Variants in STON2 observed in about 807,000 individuals in gnomAD.
STON2 encodes the protein stonin-2.
In STON2, 29 loss-of-function variants were observed where a neutral mutation model predicts 65.7. The ratio of observed to expected loss-of-function variants is 0.44; its 90% confidence interval spans 0.33 to 0.60. The LOEUF (loss-of-function observed/expected upper bound fraction) is 0.60, where lower values mean the gene tolerates loss of function less well. Among genes scored for constraint, STON2 ranks in the 20% least tolerant of loss-of-function variants. STON2 has a pLI of 0.03. For synonymous variants in STON2, 404 were observed against 414.2 expected (o/e 0.98, Z 0.30); for missense variants, 1,054 against 1,118.1 (o/e 0.94, Z 0.82).
At chr14:81,349,813 TATGAAATCAACCTAAGTGTCCACCAATGG>T (rs1897956381) in intron 4 of STON2, among the ~76,000 whole-genome samples, 1 of 152,114 alleles carries the variant, frequency 6.6e-6, no homozygotes, top group Admixed American at 6.6e-5. Context: ...ATAGTCAAGA[TATGAAATCAACCTAAGTGTCCACCAATGG>T]ATGAACAGAT....
intron 5 of STON2, among the ~76,000 whole-genome samples, chr14:81,300,892 CT>C (rs2140182437): frequency 6.6e-6 from 1 of 152,146 alleles, no homozygotes; most frequent in East Asian, 1.9e-4. Flanking sequence ...TTCACAGCAG[CT>C]TTATTAATAA....
At chr14:81,385,425 ATGTATGTG>A (rs1230163641) in intron 3 of STON2, among the ~76,000 whole-genome samples, 1 of 140,306 alleles carries the variant, frequency 7.1e-6, no homozygotes, top group Non-Finnish European at 1.5e-5. Flanking sequence ...ATGTGTATGT[ATGTATGTG>A]TGTATGTATC....
chr14:81,397,804 C>T (rs758632614), intron 2 of STON2, among the ~76,000 whole-genome samples: 5 of 152,254 alleles, frequency 3.3e-5, no homozygotes, highest in Middle Eastern at 3.4e-3. Flanking sequence ...TATGAATTCA[C>T]TTAAGCCTCA....
chr14:81,383,867 T>C (rs1300985822), intron 3 of STON2, among the ~76,000 whole-genome samples: 2 of 152,146 alleles, frequency 1.3e-5, no homozygotes, highest in Non-Finnish European at 2.9e-5. Context: ...TAGCTTTCCA[T>C]CTCACCCACA....
upstream of STON2, among the ~76,000 whole-genome samples, chr14:81,400,603 G>C (rs1233273993): frequency 6.6e-6 from 1 of 152,010 alleles, no homozygotes; most frequent in South Asian, 2.1e-4. Context: ...ATGGATAAGT[G>C]GGGTAGGGAA....
In STON2 at chr14:81,266,060, A is replaced by C; in HGVS notation, c.*2354T>G. ...CCTCAAAGGAACTCCACTGTATTTC[A>C]AAGAGCATGAAAAACCACTTATGAA... On this transcript the variant is annotated 3_prime_UTR_variant, in exon 8 of 8. Coordinates refer to ENST00000614646, the MANE Select transcript of STON2 (RefSeq NM_001394390.1). 1.0e-6 allele frequency: 1 copy of C among 985,460 alleles called. No homozygotes were observed. Among genetic ancestry groups the C allele is most frequent in the Non-Finnish European group, 1.2e-6 (1 of 829,922 alleles). 61.0% of individuals were successfully genotyped at this position (985,460 alleles called of 1,614,324 possible).
intron 5 of STON2, among the ~76,000 whole-genome samples, chr14:81,289,463 C>T (rs1175051286): frequency 1.3e-5 from 2 of 152,118 alleles, no homozygotes; most frequent in Admixed American, 6.5e-5. Context: ...TCTGAAAGGT[C>T]GGAAGGTTCT....
At chr14:81,306,687 C>T (rs1351120945) in intron 5 of STON2, 2 of 152,110 alleles carry the variant, frequency 1.3e-5, no homozygotes, top group Non-Finnish European at 2.9e-5. Flanking sequence ...TCCTGACATC[C>T]CCAGAGATGG....
In STON2 at chr14:81,300,783, T is replaced by C. The variant is rs144570569; in HGVS notation, c.743-22044A>G. Among the ~76,000 whole-genome samples, 296 of 152,298 alleles carry C rather than the reference T, an allele frequency of 1.9e-3. 1 individual carries two copies. The highest frequency in any genetic ancestry group is 6.9e-3 in the African/African-American group (286 of 41,570). ...AGTTAAAAATGGTTTAAATGATAAA[T>C]TTAAACATTCACCTACTTTATGACC... On this transcript the variant is annotated intron_variant, in intron 5 of 7. Transcript: ENST00000614646.
chr14:81,429,546 T>G (rs1902139351), intron 1 of STON2, among the ~76,000 whole-genome samples: 1 of 152,210 alleles, frequency 6.6e-6, no homozygotes, highest in African/African-American at 2.4e-5. Flanking sequence ...GCTTCATTTG[T>G]AGGAGGTTAT....
chr14:81,286,342 G>C (rs1895332214), intron 5 of STON2, among the ~76,000 whole-genome samples: 1 of 152,142 alleles, frequency 6.6e-6, no homozygotes, highest in Non-Finnish European at 1.5e-5. Flanking sequence ...AGGGTCAATT[G>C]ATGCAGCAAA....
chr14:81,346,832 A>T (rs182675214), intron 4 of STON2, among the ~76,000 whole-genome samples: 1 of 152,354 alleles, frequency 6.6e-6, no homozygotes, highest in African/African-American at 2.4e-5. Context: ...CCATGGGGTC[A>T]ATAAGAAATT....
chr14:81,324,598 G>A (rs1489664276), intron 4 of STON2, among the ~76,000 whole-genome samples: 1 of 152,232 alleles, frequency 6.6e-6, no homozygotes, highest in Non-Finnish European at 1.5e-5. Flanking sequence ...AAACCTGGAT[G>A]TGATTTAAAC....
chr14:81,270,068 T>C (rs1412044658), intron 7 of STON2: 1 of 980,926 alleles, frequency 1.0e-6, no homozygotes. Context: ...AAATGAATAA[T>C]AACAATTCCT....
chr14:81,412,000 A>C lies in STON2; in HGVS notation c.-198-13420T>G, dbSNP rs1435983622. Reference sequence around the variant, plus strand: ...GTGAAGAGGATTCAAGGTAAAGGGAACCAAAGACACAGAGTCTGAGATGAG... The same window carrying C: ...GTGAAGAGGATTCAAGGTAAAGGGACCCAAAGACACAGAGTCTGAGATGAG... On this transcript the variant is annotated intron_variant, in intron 2 of 8. Transcript: ENST00000553821. 1.4e-5 allele frequency among the ~76,000 whole-genome samples: 2 copies of C among 139,690 alleles called. 1 individual carries two copies. Among genetic ancestry groups the C allele is most frequent in the African/African-American group, 5.9e-5 (2 of 33,986 alleles). 91.6% of individuals were successfully genotyped at this position (139,690 alleles called of 152,430 possible).
rs1894249577 is a variant in STON2, at chr14:81,263,677, G to C, written c.*4737C>G. On this transcript the variant is annotated 3_prime_UTR_variant, in exon 8 of 8. Transcript: ENST00000614646. ...CCTATGTGGCCCAGGGAAGCCAAAA[G>C]ATTGGACCTCCCTGACTAAGGTCTA... 6 of 971,390 alleles carry C rather than the reference G, an allele frequency of 6.2e-6. No homozygotes were observed. The highest frequency in any genetic ancestry group is 7.3e-6 in the Non-Finnish European group (6 of 817,426). The allele number at this position is 971,390 out of a possible 1,614,324, so 60.2% of individuals were successfully genotyped here. A position where few individuals can be genotyped will look rare whatever the true frequency, so the allele number is the denominator to read the frequency against.
In STON2 at chr14:81,265,723, G is replaced by A; in HGVS notation, c.*2691C>T. 2.2e-6 allele frequency: 2 copies of A among 893,838 alleles called. No individual in the cohort carries two copies. Among genetic ancestry groups the A allele is most frequent in the South Asian group, 1.0e-4 (2 of 19,362 alleles). The allele number at this position is 893,838 out of a possible 1,614,324, so 55.4% of individuals were successfully genotyped here. A position where few individuals can be genotyped will look rare whatever the true frequency, so the allele number is the denominator to read the frequency against. On this transcript the variant is annotated 3_prime_UTR_variant, in exon 8 of 8. Coordinates refer to ENST00000614646, the MANE Select transcript of STON2 (RefSeq NM_001394390.1). ...AATAATAATTTGTTTGCAGAATATA[G>A]ATAGCATAGAAGGGATTTTTCCCAA...
chr14:81,395,994 G>A lies in STON2; in HGVS notation c.273C>T (p.Pro91=). ...TGATGGCCGAGGCCAGGTCAGGTGG[G>A]GGCTGCTCAGGGCTCCCAGGTGGGG... ...AASPPGSPEQ[P]PPDLASAISN... Residue 91 remains proline (P), a synonymous_variant, in exon 3 of 8, where the codon CCC becomes CCT. Coordinates refer to ENST00000614646, the MANE Select transcript of STON2 (RefSeq NM_001394390.1). 6.2e-7 allele frequency: 1 copy of A among 1,614,196 alleles called. No individual in the cohort carries two copies. Among genetic ancestry groups the A allele is most frequent in the East Asian group, 2.2e-5 (1 of 44,878 alleles).
chr14:81,288,163 T>C (rs904191364), intron 5 of STON2, among the ~76,000 whole-genome samples: 1 of 152,250 alleles, frequency 6.6e-6, no homozygotes, highest in Admixed American at 6.5e-5. Flanking sequence ...TTTTATTTTA[T>C]ATTGCCATAG....
Sources: allele counts gnomAD v4.1 joint callset (sites outside exome capture counted in the v4.1 genomes callset), GRCh38; gene constraint gnomAD v4.1.1; transcripts MANE v1.5; gene names NCBI Gene and HGNC (gene_info 2026-07-23, HGNC 2026-07-21).